The following ANKRD28 variants were observed in gnomAD, a reference collection of about 807,000 sequenced individuals.
ANKRD28 encodes the protein serine/threonine-protein phosphatase 6 regulatory ankyrin repeat subunit A.
In ANKRD28, 44 loss-of-function variants were observed where a neutral mutation model predicts 126.5. The ratio of observed to expected loss-of-function variants is 0.35; its 90% CI spans 0.27 to 0.45. The LOEUF (loss-of-function observed/expected upper bound fraction) is 0.45. Ranked by LOEUF, ANKRD28 falls within the 20% of genes least tolerant of loss-of-function variation. ANKRD28 has a pLI of 1.00. For synonymous variants in ANKRD28, 442 were observed against 468.5 expected (o/e 0.94, Z 0.73); for missense variants, 1,110 against 1,316.6 (o/e 0.84, Z 2.43).
Position 15,712,242 on chromosome 3 carries a change from A to G in ANKRD28, c.1191-20T>C, listed in dbSNP as rs1403765602. ...CCACGCCTAAAGTTAATAGAACAGG[A>G]CAGTATCTTCATTTTAACACAAGAA... On this transcript the variant is annotated intron_variant, in intron 10 of 27. Coordinates refer to ENST00000683139, the MANE Select transcript of ANKRD28 (RefSeq NM_001349278.2). The G allele has an allele frequency of 3.3e-6, 5 of 1,538,088 alleles. No homozygotes were observed. Among genetic ancestry groups the G allele is most frequent in the East Asian group, 2.4e-5 (1 of 42,064 alleles).
At chr3:15,782,302 C>T (rs777696768) in intron 2 of ANKRD28, among the ~76,000 whole-genome samples, 4 of 151,812 alleles carry the variant, frequency 2.6e-5, no homozygotes, top group Non-Finnish European at 5.9e-5. Flanking sequence ...GTTTCAGTAG[C>T]GCAGAATTAT....
upstream of ANKRD28, among the ~76,000 whole-genome samples, chr3:15,800,801 A>G (rs184631404): frequency 1.4e-4 from 21 of 152,240 alleles, no homozygotes; most frequent in Admixed American, 1.2e-3. Context: ...AGAAAGTACT[A>G]GCCCATGGTA....
intron 3 of ANKRD28, among the ~76,000 whole-genome samples, chr3:15,757,170 A>G (rs2058206901): frequency 1.3e-5 from 2 of 152,222 alleles, no homozygotes; most frequent in African/African-American, 2.4e-5. Flanking sequence ...GTAAGAATAC[A>G]GTATATAATA....
rs116219442 is a variant in ANKRD28, at chr3:15,775,917, A to G, written c.202-9605T>C. ...CATTCAGTCCCTCTTCTTTCTCCAG[A>G]GACTGGGGGGTGGGGGGCTTGAAAA... is the stretch of plus-strand genomic sequence containing the variant. On this transcript the variant is annotated intron_variant, in intron 2 of 27. Coordinates refer to ENST00000683139, the MANE Select transcript of ANKRD28 (RefSeq NM_001349278.2). 5.0e-3 allele frequency among the ~76,000 whole-genome samples: 763 copies of G among 152,224 alleles called. 7 individuals are homozygous for G. The highest frequency in any genetic ancestry group is 0.017 in the African/African-American group (715 of 41,534).
rs1248795117 is a variant in ANKRD28, at chr3:15,845,102, C to T, written c.27+14275G>A. Among the ~76,000 whole-genome samples the T allele has an allele frequency of 6.6e-6, 1 of 152,136 alleles. No individual in the cohort carries two copies. Among genetic ancestry groups the T allele is most frequent in the Non-Finnish European group, 1.5e-5 (1 of 68,026 alleles). The stretch of plus-strand genomic sequence containing the variant: ...GTAGAACAGTACCAAAGGGGAAATC[C>T]CCCATGATCCAATCACCTCCCACAA... On this transcript the variant is annotated intron_variant, in intron 1 of 27. Transcript: ENST00000399451. This position sits in a 1 kb window ranked among gnomAD's most constrained non-coding sequence, Gnocchi z 4.9.
rs535017750 is a variant in ANKRD28 at position 15,693,243 on chromosome 3, C to T, written c.1761+1496G>A. ...ACAATTAGAAATGGTTAAGAAGGTA[C>T]GTTTTATGCTATGTTTTCTTTTTTC... On this transcript the variant is annotated intron_variant, in intron 17 of 27. Transcript: ENST00000683139. Among the ~76,000 whole-genome samples the T allele has an allele frequency of 1.8e-4, 28 of 151,930 alleles. No homozygotes were observed. In the South Asian group the frequency reaches 3.5e-3, roughly 19 times the overall value.
chr3:15,669,164 C>T lies in ANKRD28; in HGVS notation c.*1106G>A, dbSNP rs1175936917. ...TAAATCTTGCCCAATACAGAAATGC[C>T]TTTCAAGAGACTTTAGTGATGCTTA... On this transcript the variant is annotated 3_prime_UTR_variant, in exon 28 of 28. Transcript: ENST00000683139. 1.3e-5 allele frequency: 2 copies of T among 152,150 alleles called. No homozygotes were observed. Among genetic ancestry groups the T allele is most frequent in the Non-Finnish European group, 2.9e-5 (2 of 68,018 alleles). The allele number at this position is 152,150 out of a possible 1,614,324, so 9.4% of individuals were successfully genotyped here.
chr3:15,802,969 A>T (rs967169898), upstream of ANKRD28, among the ~76,000 whole-genome samples: 3 of 151,708 alleles, frequency 2.0e-5, no homozygotes, highest in Admixed American at 6.6e-5. Flanking sequence ...ATTCTCGAAT[A>T]AAAAAAAATG....
At chr3:15,772,683 AT>A (rs1398968469) in intron 2 of ANKRD28, among the ~76,000 whole-genome samples, 3 of 152,152 alleles carry the variant, frequency 2.0e-5, no homozygotes, top group Admixed American at 6.5e-5. Context: ...TAAAAAAATT[AT>A]TTATTTATTC....
chr3:15,693,326 GCA>G (rs2069055028), intron 17 of ANKRD28, among the ~76,000 whole-genome samples: 1 of 150,366 alleles, frequency 6.7e-6, no homozygotes, highest in Admixed American at 6.6e-5. Flanking sequence ...TAATGGGGGG[GCA>G]GAGAGAGAGA....
chr3:15,696,297 C>T, intron 14 of ANKRD28, 52 bp from the exon 15 acceptor site: 1 of 1,181,920 alleles, frequency 8.5e-7, no homozygotes, highest in East Asian at 2.6e-5. Context: ...GCATATTAAC[C>T]AATGATAAAA....
At position 15,687,332 on chromosome 3, in the gene ANKRD28, G is replaced by GATAT. The variant is rs113439164; in HGVS notation, c.1964-1027_1964-1024dup. Among the ~76,000 whole-genome samples the GATAT allele has an allele frequency of 6.7e-3, 1,011 of 150,176 alleles. 8 individuals are homozygous for GATAT. The highest frequency in any genetic ancestry group is 0.024 in the African/African-American group (976 of 41,000). On this transcript the variant is annotated intron_variant, in intron 18 of 27. Transcript: ENST00000683139. Reference sequence around the variant, plus strand: ...ATTTATGGCTGAAATAATTTCAAATGATATATATATATATACATACAGTAC... The same window carrying GATAT: ...ATTTATGGCTGAAATAATTTCAAATGATATATATATATATATATACATACAGTAC...
At chr3:15,702,819 C>T (rs2070802807) in intron 14 of ANKRD28, among the ~76,000 whole-genome samples, 1 of 152,024 alleles carries the variant, frequency 6.6e-6, no homozygotes, top group Non-Finnish European at 1.5e-5. Flanking sequence ...TCTTACCACC[C>T]CCCACCACCC....
chr3:15,677,777 A>G (rs2067100170), intron 24 of ANKRD28, among the ~76,000 whole-genome samples: 1 of 152,234 alleles, frequency 6.6e-6, no homozygotes, highest in Non-Finnish European at 1.5e-5. Context: ...AACAATGGCA[A>G]TTAACATTTA....
At chr3:15,728,263 T>C (rs1455125558) in intron 6 of ANKRD28, among the ~76,000 whole-genome samples, 4 of 151,694 alleles carry the variant, frequency 2.6e-5, no homozygotes, top group African/African-American at 9.7e-5. Context: ...GCACACTTAA[T>C]AGACTATAGT....
chr3:15,785,937 TGAAAA>T (rs2059759664), intron 2 of ANKRD28, among the ~76,000 whole-genome samples: 1 of 151,652 alleles, frequency 6.6e-6, no homozygotes, highest in Non-Finnish European at 1.5e-5. Flanking sequence ...GACGCCAACC[TGAAAA>T]GGGTACATAC....
intron 3 of ANKRD28, among the ~76,000 whole-genome samples, chr3:15,764,120 G>A (rs1001533483): frequency 6.6e-6 from 1 of 152,278 alleles, no homozygotes; most frequent in East Asian, 1.9e-4. Flanking sequence ...AGCTACTCGG[G>A]AGGCTGAGGC....
rs1255112195 is a variant in ANKRD28 at position 15,843,641 on chromosome 3, C to T, written c.27+15736G>A. On this transcript the variant is annotated intron_variant, in intron 1 of 27. Coordinates refer to the ANKRD28 transcript ENST00000399451. The surrounding 1 kb of genome is among the most constrained non-coding windows in gnomAD (Gnocchi z 5.2). ...TAAAGTGTAGAAATAAAACAATTTA[C>T]AATAAGGAAAGGTATCAATAAGAAA... is the stretch of plus-strand genomic sequence containing the variant. Among the ~76,000 whole-genome samples the T allele has an allele frequency of 1.3e-5, 2 of 149,658 alleles. No homozygotes were observed. Among genetic ancestry groups the T allele is most frequent in the Non-Finnish European group, 3.0e-5 (2 of 67,422 alleles).
At chr3:15,743,384 A>AACC (rs1553616013) in intron 4 of ANKRD28, among the ~76,000 whole-genome samples, 2 of 151,886 alleles carry the variant, frequency 1.3e-5, no homozygotes, top group Non-Finnish European at 2.9e-5. Context: ...ACAAAAAAAA[A>AACC]CAAAACATAT....
Sources: gnomAD v4.1 joint callset for allele counts (sites outside exome capture counted in the v4.1 genomes callset) on GRCh38, gnomAD v4.1.1 for gene constraint, Gnocchi (gnomAD v3.1) non-coding constraint, MANE v1.5 for transcripts, NCBI Gene and HGNC (gene_info 2026-07-23, HGNC 2026-07-21) for gene names.